ELMO1: variants seen among roughly 807,000 people sequenced by gnomAD.
ELMO1 encodes the protein engulfment and cell motility protein 1.
ELMO1 carries 26 observed loss-of-function variants against 98.9 expected under a neutral mutation model. That is an observed-to-expected ratio of 0.26 (90% CI 0.19 to 0.36). ELMO1 has a LOEUF of 0.36. Among genes scored for constraint, ELMO1 ranks in the 10% least tolerant of loss-of-function variants. The pLI, the probability that ELMO1 is intolerant of heterozygous loss-of-function variation, is 1.00. For missense variants in ELMO1, 627 were observed against 935.2 expected (o/e 0.67, Z 4.30); for synonymous variants, 346 against 346.0 (o/e 1.00, Z 0.00).
At chr7:37,270,414 T>C (rs1039716245) in intron 5 of ELMO1, 10 of 152,230 alleles carry the variant, frequency 6.6e-5, no homozygotes, top group African/African-American at 2.4e-4. Context: ...TAAGGATTTA[T>C]GGTAGTTACA....
chr7:37,021,283 C>T (rs1207481397), intron 15 of ELMO1, among the ~76,000 whole-genome samples: 2 of 152,168 alleles, frequency 1.3e-5, no homozygotes, highest in African/African-American at 2.4e-5. Context: ...TTTAAACCTT[C>T]GCAGCTCTTC....
chr7:37,095,822 C>T (rs1454577337), intron 15 of ELMO1, among the ~76,000 whole-genome samples: 2 of 152,164 alleles, frequency 1.3e-5, no homozygotes, highest in Non-Finnish European at 2.9e-5. Flanking sequence ...AACACCCCAA[C>T]ATTTTTCTGG....
intron 13 of ELMO1, among the ~76,000 whole-genome samples, chr7:37,192,899 TAG>T (rs1791695478): frequency 1.4e-5 from 2 of 145,612 alleles, no homozygotes; most frequent in Non-Finnish European, 1.5e-5. Flanking sequence ...TATTTATCTA[TAG>T]ATACATATAT....
At chr7:37,224,786 C>T in intron 9 of ELMO1, 93 bp downstream of exon 9, 1 of 1,516,464 alleles carries the variant, frequency 6.6e-7, no homozygotes, top group East Asian at 2.3e-5. Context: ...GTACATTTAA[C>T]CAAACTATAA....
chr7:37,195,975 A>G (rs533532335), intron 13 of ELMO1, among the ~76,000 whole-genome samples: 1 of 152,212 alleles, frequency 6.6e-6, no homozygotes, highest in South Asian at 2.1e-4. Context: ...TCTATGAACA[A>G]TAGAAGGCAA....
chr7:36,910,454 A>G (rs1327532014), intron 16 of ELMO1, among the ~76,000 whole-genome samples: 1 of 152,204 alleles, frequency 6.6e-6, no homozygotes, highest in African/African-American at 2.4e-5. Flanking sequence ...TCTCAATCTA[A>G]AAAGTGGAGT....
intron 4 of ELMO1, among the ~76,000 whole-genome samples, chr7:37,282,540 A>AT (rs1316719110): frequency 6.6e-6 from 1 of 152,254 alleles, no homozygotes; most frequent in Non-Finnish European, 1.5e-5. Flanking sequence ...TTACACAGCA[A>AT]TGTCTCCAGA....
intron 13 of ELMO1, among the ~76,000 whole-genome samples, chr7:37,162,788 C>T (rs1321493216): frequency 1.1e-4 from 16 of 152,164 alleles, no homozygotes; most frequent in Admixed American, 1.0e-3. Flanking sequence ...TATAAAATTG[C>T]TAGGTTACAT....
At chr7:36,929,572 A>G (rs1047699867) in intron 16 of ELMO1, among the ~76,000 whole-genome samples, 1 of 152,148 alleles carries the variant, frequency 6.6e-6, no homozygotes. Context: ...ATGGTCTTCC[A>G]GCTCAGTGTT....
At chr7:37,017,049 T>C (rs1793982676) in intron 15 of ELMO1, among the ~76,000 whole-genome samples, 1 of 152,220 alleles carries the variant, frequency 6.6e-6, no homozygotes, top group South Asian at 2.1e-4. Flanking sequence ...AATGCTGATG[T>C]ATATTTACTG....
intron 14 of ELMO1, among the ~76,000 whole-genome samples, chr7:37,124,014 C>G (rs560591535): frequency 6.6e-6 from 1 of 152,208 alleles, no homozygotes; most frequent in East Asian, 1.9e-4. Context: ...ATCCAGCATA[C>G]AAACAGAACC....
intron 1 of ELMO1, among the ~76,000 whole-genome samples, chr7:37,442,879 T>A (rs1364781796): frequency 6.6e-6 from 1 of 152,172 alleles, no homozygotes; most frequent in Non-Finnish European, 1.5e-5. Flanking sequence ...AAGAAGGAAC[T>A]AACCAGTGCA....
chr7:37,134,647 T>C (rs115865346), intron 13 of ELMO1, among the ~76,000 whole-genome samples: 1,599 of 152,060 alleles, frequency 0.011, 34 homozygotes, highest in African/African-American at 0.036. Flanking sequence ...ATAGCAAAGA[T>C]ATAGAATCCA....
At chr7:37,414,270 C>T (rs1401060405) in intron 1 of ELMO1, among the ~76,000 whole-genome samples, 1 of 150,338 alleles carries the variant, frequency 6.7e-6, no homozygotes, top group Non-Finnish European at 1.5e-5. Context: ...TTGAAATATG[C>T]TAAACAGTAC....
intron 1 of ELMO1, among the ~76,000 whole-genome samples, chr7:37,361,395 G>T (rs548717706): frequency 2.0e-3 from 301 of 152,288 alleles, no homozygotes; most frequent in Non-Finnish European, 3.4e-3. Context: ...TAGCTTATGG[G>T]CCAAATCCGG....
intron 2 of ELMO1, among the ~76,000 whole-genome samples, chr7:37,331,333 C>CTTTTGTTTTTTTT (rs1800100713): frequency 3.5e-5 from 1 of 28,716 alleles, no homozygotes; most frequent in African/African-American, 1.1e-4. Context: ...CCACGCCTGG[C>CTTTTGTTTTTTTT]TTTTTTTTTT....
intron 1 of ELMO1, among the ~76,000 whole-genome samples, chr7:37,359,149 A>G (rs1353579317): frequency 6.6e-6 from 1 of 152,198 alleles, no homozygotes; most frequent in Non-Finnish European, 1.5e-5. Context: ...TGGAGGAACC[A>G]GTGGTAAAGT....
intron 13 of ELMO1, among the ~76,000 whole-genome samples, chr7:37,174,924 A>G (rs1790418165): frequency 6.6e-6 from 1 of 152,204 alleles, no homozygotes; most frequent in Non-Finnish European, 1.5e-5. Context: ...GCAGTTTTTC[A>G]GCATAAAGCG....
chr7:37,342,837 C>T lies in ELMO1; in HGVS notation c.-73-74G>A, dbSNP rs1800791543. ...CAGGGTGAATTTTGCTTCATCACTT[C>T]CTGTTTTCACTGGTGGTTTGGTATG... On this transcript the variant is annotated intron_variant, in intron 1 of 21. Coordinates refer to ENST00000310758, the MANE Select transcript of ELMO1 (RefSeq NM_014800.11). The surrounding 1 kb of genome is among the most constrained non-coding windows in gnomAD (Gnocchi z 4.3). The T allele has an allele frequency of 2.9e-6, 2 of 692,674 alleles. No individual in the cohort carries two copies. Among genetic ancestry groups the T allele is most frequent in the South Asian group, 4.0e-5 (2 of 49,952 alleles). The allele number at this position is 692,674 out of a possible 1,614,324, so 42.9% of individuals were successfully genotyped here. A position where few individuals can be genotyped will look rare whatever the true frequency, so the allele number is the denominator to read the frequency against.
Sources: allele counts gnomAD v4.1 joint callset (sites outside exome capture counted in the v4.1 genomes callset), GRCh38; gene constraint gnomAD v4.1.1; non-coding constraint Gnocchi (gnomAD v3.1); transcripts MANE v1.5; gene names NCBI Gene and HGNC (gene_info 2026-07-23, HGNC 2026-07-21).